The following FAM107B variants were observed in gnomAD, a reference collection of about 807,000 sequenced individuals.
FAM107B encodes protein FAM107B.
In FAM107B, 21 loss-of-function variants were observed where a neutral mutation model predicts 31.5. That is an observed-to-expected ratio of 0.67 (90% CI 0.47 to 0.96). The LOEUF is 0.96. Ranked by LOEUF, FAM107B falls within the 40% of genes least tolerant of loss-of-function variation. The pLI, the probability that FAM107B is intolerant of heterozygous loss-of-function variation, is 0.00. For synonymous variants in FAM107B, 157 were observed against 141.5 expected, an observed-to-expected ratio of 1.11 and a Z score of -0.78; for missense variants, 452 against 377.1, an observed-to-expected ratio of 1.20 and a Z score of -1.64.
chr10:14,572,736 A>ATATATATATATAT (rs1455058375), intron 2 of FAM107B, among the ~76,000 whole-genome samples: 43 of 86,430 alleles, frequency 5.0e-4, no homozygotes, highest in African/African-American at 9.7e-4. Flanking sequence ...AAAAAAAAAA[A>ATATATATATATAT]ATTTATATAT....
chr10:14,596,013 G>A (rs1185481751), intron 2 of FAM107B, among the ~76,000 whole-genome samples: 3 of 152,144 alleles, frequency 2.0e-5, no homozygotes, highest in East Asian at 1.9e-4. Context: ...CATGAGCCAC[G>A]TCCTCACCGT....
At chr10:14,632,569 C>T (rs1230240690) in intron 2 of FAM107B, among the ~76,000 whole-genome samples, 1 of 147,998 alleles carries the variant, frequency 6.8e-6, no homozygotes, top group Non-Finnish European at 1.5e-5. Flanking sequence ...CGAGATTGCG[C>T]CACTGCACTC....
At chr10:14,689,828 T>G (rs1855084752) in intron 1 of FAM107B, among the ~76,000 whole-genome samples, 1 of 151,850 alleles carries the variant, frequency 6.6e-6, no homozygotes, top group South Asian at 2.1e-4. Flanking sequence ...CTGGGTGTGG[T>G]AGTGCATTCC....
intron 3 of FAM107B, among the ~76,000 whole-genome samples, chr10:14,523,941 A>T (rs1233649808): frequency 6.9e-6 from 1 of 145,712 alleles, no homozygotes; most frequent in Non-Finnish European, 1.5e-5. Context: ...ATCTCAGCTC[A>T]CTGAAACCTC....
rs188619997 is a variant in FAM107B at position 14,762,253 on chromosome 10, A to G, written c.411+12000T>C. ...TGACCAAAAGCCAAGTTCATGCACT[A>G]TCTTCCTTATTTTCCTACTTGAAAG... On this transcript the variant is annotated intron_variant, in intron 1 of 4. Coordinates refer to ENST00000181796, the MANE Select transcript of FAM107B (RefSeq NM_031453.4). Among the ~76,000 whole-genome samples, 510 of 152,262 alleles carry G rather than the reference A, an allele frequency of 3.3e-3. 2 individuals are homozygous for G. The South Asian group carries it at 0.04, about 12-fold the overall frequency.
At chr10:14,639,041 A>C (rs1156588059) in intron 2 of FAM107B, among the ~76,000 whole-genome samples, 1 of 151,874 alleles carries the variant, frequency 6.6e-6, no homozygotes, top group African/African-American at 2.4e-5. Context: ...AAATTAAAAA[A>C]TTTGCCAGGC....
chr10:14,736,496 C>T (rs1856303719), intron 1 of FAM107B, among the ~76,000 whole-genome samples: 1 of 152,150 alleles, frequency 6.6e-6, no homozygotes, highest in African/African-American at 2.4e-5. Context: ...CCTTAGTGTA[C>T]TCTTCAGCCT....
At chr10:14,752,381 C>T (rs1027324328) in intron 1 of FAM107B, among the ~76,000 whole-genome samples, 2 of 152,192 alleles carry the variant, frequency 1.3e-5, no homozygotes, top group Admixed American at 6.5e-5. Flanking sequence ...GATCCTGTAC[C>T]CTGAGAGGTT....
chr10:14,664,033 G>C (rs1854338903), intron 2 of FAM107B, among the ~76,000 whole-genome samples: 1 of 152,094 alleles, frequency 6.6e-6, no homozygotes, highest in Admixed American at 6.6e-5. Context: ...TGTCCTTCAA[G>C]GCCCAGCTCT....
intron 2 of FAM107B, among the ~76,000 whole-genome samples, chr10:14,564,366 G>A (rs1272628297): frequency 6.6e-6 from 1 of 151,704 alleles, no homozygotes; most frequent in African/African-American, 2.4e-5. Flanking sequence ...GAATAATTAG[G>A]CCCCCAAATA....
At chr10:14,633,652 C>A (rs1415937789) in intron 2 of FAM107B, among the ~76,000 whole-genome samples, 10 of 152,118 alleles carry the variant, frequency 6.6e-5, no homozygotes, top group Non-Finnish European at 5.9e-5. Flanking sequence ...AAATAATATT[C>A]AGTAGGGGTC....
intron 2 of FAM107B, among the ~76,000 whole-genome samples, chr10:14,604,912 CTT>C (rs1297804267): frequency 3.9e-5 from 6 of 152,056 alleles, no homozygotes; most frequent in Non-Finnish European, 7.4e-5. Context: ...CTTTCATTCT[CTT>C]TCTCTCTCTG....
chr10:14,710,801 C>A (rs950704586), intron 1 of FAM107B, among the ~76,000 whole-genome samples: 1 of 151,892 alleles, frequency 6.6e-6, no homozygotes, highest in Non-Finnish European at 1.5e-5. Flanking sequence ...TAGAGCTGAA[C>A]AATGTGTTTG....
At chr10:14,757,787 G>T (rs1490396734) in intron 1 of FAM107B, among the ~76,000 whole-genome samples, 1 of 152,174 alleles carries the variant, frequency 6.6e-6, no homozygotes, top group Admixed American at 6.6e-5. Context: ...AGGAAAACAA[G>T]ATCTCCCGTT....
intron 1 of FAM107B, among the ~76,000 whole-genome samples, chr10:14,674,562 T>C (rs772876042): frequency 5.3e-5 from 8 of 152,136 alleles, no homozygotes; most frequent in Non-Finnish European, 1.2e-4. Context: ...GTTCCTTAGG[T>C]GGATGTTATA....
At chr10:14,532,916 C>T (rs930048912) in intron 2 of FAM107B, among the ~76,000 whole-genome samples, 5 of 152,254 alleles carry the variant, frequency 3.3e-5, no homozygotes, top group African/African-American at 1.2e-4. Flanking sequence ...GGGCCGTGAT[C>T]AGCAGCGAGA....
At chr10:14,590,647 CCAAA>C (rs768975575) in intron 2 of FAM107B, among the ~76,000 whole-genome samples, 22 of 152,154 alleles carry the variant, frequency 1.4e-4, no homozygotes, top group Non-Finnish European at 2.6e-4. Flanking sequence ...TCTACCCTCT[CCAAA>C]CACTCTTAAC....
intron 2 of FAM107B, among the ~76,000 whole-genome samples, chr10:14,637,642 AAAAC>A (rs1013768309): frequency 1.3e-5 from 2 of 152,114 alleles, no homozygotes; most frequent in Admixed American, 6.6e-5. Flanking sequence ...ACCCTGTCTC[AAAAC>A]AAACAAACAC....
chr10:14,716,256 C>T (rs1013988582), intron 1 of FAM107B, among the ~76,000 whole-genome samples: 3 of 152,322 alleles, frequency 2.0e-5, no homozygotes, highest in African/African-American at 4.8e-5. Context: ...GTTCTAGCTT[C>T]GGGCCTATCC....
Sources: allele counts gnomAD v4.1 joint callset (sites outside exome capture counted in the v4.1 genomes callset), GRCh38; gene constraint gnomAD v4.1.1; transcripts MANE v1.5; gene names NCBI Gene and HGNC (gene_info 2026-07-23, HGNC 2026-07-21).